HS3ST4: variants seen among roughly 807,000 people sequenced by gnomAD.
HS3ST4 encodes the protein heparan sulfate glucosamine 3-O-sulfotransferase 4.
HS3ST4 carries 17 observed loss-of-function variants against 29.2 expected under a neutral mutation model. That is an observed-to-expected ratio of 0.58 (90% CI 0.40 to 0.87). HS3ST4 has a LOEUF of 0.87. Ranked by LOEUF, HS3ST4 falls within the 40% of genes least tolerant of loss-of-function variation. HS3ST4 has a pLI of 0.00. For missense variants in HS3ST4, 627 were observed against 634.5 expected, an observed-to-expected ratio of 0.99 and a Z score of 0.13; for synonymous variants, 314 against 285.7, an observed-to-expected ratio of 1.10 and a Z score of -1.00.
chr16:25,745,766 G>A (rs756742948), intron 1 of HS3ST4, among the ~76,000 whole-genome samples: 2 of 152,168 alleles, frequency 1.3e-5, no homozygotes, highest in Non-Finnish European at 2.9e-5. Flanking sequence ...ATCATATAAT[G>A]TGTAGTCTTT....
intron 1 of HS3ST4, among the ~76,000 whole-genome samples, chr16:25,892,557 A>C (rs545277107): frequency 6.6e-6 from 1 of 152,294 alleles, no homozygotes; most frequent in African/African-American, 2.4e-5. Context: ...GAGAGCTCAC[A>C]AGATTGGGCT....
chr16:26,085,858 A>G (rs1228365850), intron 1 of HS3ST4, among the ~76,000 whole-genome samples: 3 of 151,236 alleles, frequency 2.0e-5, no homozygotes, highest in African/African-American at 2.4e-5. Flanking sequence ...TGGGTGACAG[A>G]GCGAGACCCT....
chr16:25,960,228 G>A (rs550520229), intron 1 of HS3ST4, among the ~76,000 whole-genome samples: 29 of 152,266 alleles, frequency 1.9e-4, no homozygotes, highest in Non-Finnish European at 3.2e-4. Flanking sequence ...TCCATCCTGA[G>A]TAAAAGCTTC....
intron 1 of HS3ST4, among the ~76,000 whole-genome samples, chr16:26,103,242 T>C (rs1310864418): frequency 1.3e-5 from 2 of 152,134 alleles, no homozygotes; most frequent in Admixed American, 6.6e-5. Context: ...GAAGGTGTTG[T>C]TATCACCATT....
At chr16:25,757,416 A>G (rs1190035334) in intron 1 of HS3ST4, among the ~76,000 whole-genome samples, 1 of 152,030 alleles carries the variant, frequency 6.6e-6, no homozygotes, top group Non-Finnish European at 1.5e-5. Flanking sequence ...CACTTTGCAG[A>G]TATTGCATTT....
intron 1 of HS3ST4, among the ~76,000 whole-genome samples, chr16:25,767,979 C>T (rs1291869443): frequency 1.3e-5 from 2 of 152,130 alleles, no homozygotes; most frequent in African/African-American, 4.8e-5. Flanking sequence ...CACATCTTTT[C>T]TTCTTGGAAC....
chr16:25,979,464 C>T (rs926157225), intron 1 of HS3ST4, among the ~76,000 whole-genome samples: 8 of 152,142 alleles, frequency 5.3e-5, no homozygotes, highest in African/African-American at 1.4e-4. Flanking sequence ...ATTAGATTCT[C>T]ATAGAAGCAT....
intron 1 of HS3ST4, among the ~76,000 whole-genome samples, chr16:25,741,977 A>G (rs1290361314): frequency 1.3e-5 from 2 of 152,226 alleles, no homozygotes; most frequent in African/African-American, 4.8e-5. Flanking sequence ...AAAAAAGAGT[A>G]TGTGAGTAAA....
chr16:25,898,502 T>C (rs576289119), intron 1 of HS3ST4, among the ~76,000 whole-genome samples: 1 of 152,244 alleles, frequency 6.6e-6, no homozygotes, highest in African/African-American at 2.4e-5. Context: ...TGGATGATCT[T>C]CATGACTGCT....
intron 1 of HS3ST4, among the ~76,000 whole-genome samples, chr16:25,840,744 G>C (rs1166424429): frequency 6.6e-6 from 1 of 152,038 alleles, no homozygotes; most frequent in East Asian, 1.9e-4. Flanking sequence ...ATCACCTACA[G>C]AACATCCTCT....
intron 1 of HS3ST4, among the ~76,000 whole-genome samples, chr16:25,849,851 C>T (rs1403053865): frequency 2.0e-5 from 3 of 151,650 alleles, no homozygotes; most frequent in African/African-American, 7.3e-5. Context: ...AAAATATTCT[C>T]CTCTGTCTCT....
At chr16:25,959,617 A>G (rs1276280102) in intron 1 of HS3ST4, among the ~76,000 whole-genome samples, 1 of 152,172 alleles carries the variant, frequency 6.6e-6, no homozygotes. Context: ...CATCCTTGAA[A>G]ATATAGTTGC....
At chr16:25,856,405 G>T (rs1967574249) in intron 1 of HS3ST4, among the ~76,000 whole-genome samples, 1 of 152,046 alleles carries the variant, frequency 6.6e-6, no homozygotes, top group Admixed American at 6.5e-5. Flanking sequence ...AGTGGACAAT[G>T]ATTTCATCAG....
At chr16:25,827,421 A>G (rs1203144380) in intron 1 of HS3ST4, among the ~76,000 whole-genome samples, 1 of 152,118 alleles carries the variant, frequency 6.6e-6, no homozygotes, top group Non-Finnish European at 1.5e-5. Flanking sequence ...GGAAGGCCAC[A>G]GCATTCACTG....
At chr16:25,935,053 G>A (rs1013498394) in intron 1 of HS3ST4, among the ~76,000 whole-genome samples, 1 of 152,098 alleles carries the variant, frequency 6.6e-6, no homozygotes, top group African/African-American at 2.4e-5. Context: ...AGTTTTATAA[G>A]TGTCTGGCAT....
intron 1 of HS3ST4, among the ~76,000 whole-genome samples, chr16:26,078,297 C>T (rs1349536924): frequency 1.3e-5 from 2 of 152,098 alleles, no homozygotes; most frequent in African/African-American, 4.8e-5. Context: ...CCCACGACCA[C>T]ATCCAGATAG....
chr16:26,040,379 C>T (rs1969626113), intron 1 of HS3ST4, among the ~76,000 whole-genome samples: 1 of 151,560 alleles, frequency 6.6e-6, no homozygotes. Context: ...TCGCTTCTCA[C>T]TGCAACATCT....
At chr16:26,120,747 C>T (rs1899264584) in intron 1 of HS3ST4, among the ~76,000 whole-genome samples, 1 of 152,200 alleles carries the variant, frequency 6.6e-6, no homozygotes, top group Non-Finnish European at 1.5e-5. Context: ...AGTGCTTTGG[C>T]TGAACATTGT....
intron 1 of HS3ST4, among the ~76,000 whole-genome samples, chr16:25,702,149 A>G (rs1966338464): frequency 6.6e-6 from 1 of 152,200 alleles, no homozygotes; most frequent in Non-Finnish European, 1.5e-5. Context: ...AATTAGAAAA[A>G]CAAAAGGAGA....
Sources: gnomAD v4.1 joint callset for allele counts (sites outside exome capture counted in the v4.1 genomes callset) on GRCh38, gnomAD v4.1.1 for gene constraint, MANE v1.5 for transcripts, NCBI Gene and HGNC (gene_info 2026-07-23, HGNC 2026-07-21) for gene names.